ATP10A: variants seen among roughly 807,000 people sequenced by gnomAD.
ATP10A encodes the protein phospholipid-transporting ATPase VA.
In ATP10A, 111 loss-of-function variants were observed where a neutral mutation model predicts 147.8. The observed-to-expected ratio is 0.75, with a 90% CI of 0.64 to 0.88. ATP10A has a LOEUF of 0.88. Among genes scored for constraint, ATP10A ranks in the 40% least tolerant of loss-of-function variants. The pLI is 0.00. For missense variants in ATP10A, 1,927 were observed against 1,959.0 expected (o/e 0.98, Z 0.31); for synonymous variants, 875 against 841.6 (o/e 1.04, Z -0.69).
intron 12 of ATP10A, 59 bp downstream of exon 12, chr15:25,707,917 C>T: frequency 2.5e-6 from 4 of 1,594,602 alleles, no homozygotes; most frequent in Non-Finnish European, 3.4e-6. Flanking sequence ...CTCACCCCTC[C>T]AGGGCCGTCC....
At chr15:25,732,776 T>G (rs4243755) in intron 3 of ATP10A, among the ~76,000 whole-genome samples, 1 of 151,682 alleles carries the variant, frequency 6.6e-6, no homozygotes, top group Non-Finnish European at 1.5e-5. Context: ...AGGATGGTCT[T>G]GATCTCCTGA....
intron 1 of ATP10A, among the ~76,000 whole-genome samples, chr15:25,810,135 C>A (rs1891365417): frequency 6.6e-6 from 1 of 152,300 alleles, no homozygotes. Context: ...CTCCCAGTGA[C>A]CCACAGTGGG....
intron 1 of ATP10A, among the ~76,000 whole-genome samples, chr15:25,787,719 T>TGACACAGACACAGACTG (rs1265935657): frequency 6.6e-6 from 1 of 151,436 alleles, no homozygotes; most frequent in Admixed American, 6.6e-5. Context: ...AGACATGGAG[T>TGACACAGACACAGACTG]AACACAGTTC....
At chr15:25,684,617 C>G (rs1899613735) in intron 16 of ATP10A, among the ~76,000 whole-genome samples, 1 of 152,122 alleles carries the variant, frequency 6.6e-6, no homozygotes, top group South Asian at 2.1e-4. Flanking sequence ...TGGCTGAGGT[C>G]ACGGTGTGAG....
chr15:25,813,521 C>G (rs1174829782), intron 1 of ATP10A, among the ~76,000 whole-genome samples: 1 of 151,944 alleles, frequency 6.6e-6, no homozygotes, highest in African/African-American at 2.4e-5. Context: ...TGCAAAGAAG[C>G]AGAAAAACAC....
chr15:25,781,150 C>T lies in ATP10A; in HGVS notation c.523G>A (p.Glu175Lys). The change falls in exon 2 of 21, where the codon GAA (glutamate) becomes AAA (lysine). Residue 175 changes from glutamate (E) to lysine (K), a missense_variant. Glu to Lys is a moderately conservative substitution (Grantham distance 56, BLOSUM62 1). Coordinates refer to ENST00000555815, the MANE Select transcript of ATP10A (RefSeq NM_024490.4). ...AGCAGAATGTCCGCAGGGAAGATTT[C>T]GTTGCAGCGAAGACGCACAAAGTCT... ...VGDFVRLRCN[E>K]IFPADILLLS... The T allele has an allele frequency of 6.2e-7, 1 of 1,614,188 alleles. No individual in the cohort carries two copies. Among genetic ancestry groups the T allele is most frequent in the Non-Finnish European group, 8.5e-7 (1 of 1,180,044 alleles).
In ATP10A at chr15:25,727,263, T is replaced by C; in HGVS notation, c.744A>G (p.Ile248Met). The change falls in exon 4 of 21, where the codon ATA becomes ATG. Residue 248 changes from isoleucine (I) to methionine (M), a missense_variant. Ile to Met is a conservative substitution (Grantham distance 10). Coordinates refer to ENST00000555815, the MANE Select transcript of ATP10A (RefSeq NM_024490.4). The part of the protein sequence containing the change: ...NDLSRFRGCI[I>M]HDNGKKAGLY... Reference sequence around the variant, plus strand: ...GCCCGGCCTTTTTCCCGTTGTCATGTATGCTGTAGAGGGACAGTTGGCACA... The same window carrying C: ...GCCCGGCCTTTTTCCCGTTGTCATGCATGCTGTAGAGGGACAGTTGGCACA... 1 of 1,613,368 alleles carries C rather than the reference T, an allele frequency of 6.2e-7. No homozygotes were observed. The highest frequency in any genetic ancestry group is 1.1e-5 in the South Asian group (1 of 91,042).
chr15:25,862,320 A>T, intron 1 of ATP10A: 1 of 545,700 alleles, frequency 1.8e-6, no homozygotes. Context: ...CCTGCCTTTC[A>T]CTTCAGGTGG....
intron 1 of ATP10A, among the ~76,000 whole-genome samples, chr15:25,809,304 G>A (rs999868525): frequency 5.3e-5 from 8 of 152,138 alleles, no homozygotes; most frequent in Admixed American, 2.0e-4. Flanking sequence ...GGTGAGACAT[G>A]ACCCAGGCAT....
At position 25,713,962 on chromosome 15, in the gene ATP10A, C is replaced by T. The variant is rs116456040; in HGVS notation, c.2056G>A (p.Glu686Lys). Residue 686 changes from glutamate (E) to lysine (K), a missense_variant, in exon 10 of 21, where the codon GAG (glutamate) becomes AAG (lysine). Transcript: ENST00000555815. ...NWASELAQEQ[E>K]SERELRYEAE... The stretch of plus-strand genomic sequence containing the variant: ...TCGTACCGCAGCTCGCGCTCTGACT[C>T]CTGCTCCTGAGCAAGCTCCGAGGCC... 737 of 1,610,328 alleles carry T rather than the reference C, an allele frequency of 4.6e-4. 2 individuals carry two copies. The African/African-American group carries it at 7.9e-3, about 17-fold the overall frequency.
intron 2 of ATP10A, among the ~76,000 whole-genome samples, chr15:25,747,440 A>G (rs1887907721): frequency 6.6e-6 from 1 of 152,040 alleles, no homozygotes; most frequent in African/African-American, 2.4e-5. Context: ...ACAACTTGTA[A>G]AAAAGAAGAC....
At chr15:25,736,686 T>C (rs530312208) in intron 2 of ATP10A, among the ~76,000 whole-genome samples, 81 of 151,990 alleles carry the variant, frequency 5.3e-4, no homozygotes, top group African/African-American at 1.9e-3. Context: ...CACAAAAATG[T>C]CTTTAGAATT....
At chr15:25,704,803 T>C (rs76080652) in intron 12 of ATP10A, among the ~76,000 whole-genome samples, 6,454 of 152,286 alleles carry the variant, frequency 0.042, 179 homozygotes, top group East Asian at 0.15. Flanking sequence ...GTTTGTGATA[T>C]AATTTATGTG....
chr15:25,782,365 C>A (rs1305985707), intron 1 of ATP10A, among the ~76,000 whole-genome samples: 6 of 152,180 alleles, frequency 3.9e-5, no homozygotes, highest in African/African-American at 1.4e-4. Flanking sequence ...CCGTAAGTAT[C>A]ACTAATGTCA....
Position 25,679,463 on chromosome 15 carries a change from C to G in ATP10A, c.4378G>C (p.Glu1460Gln). Reference sequence around the variant, plus strand: ...CCCGCTTGTCCATCTGCAAGCTGCTCCGTCCGGGAGAACTGTAAGACACTC... The same window carrying G: ...CCCGCTTGTCCATCTGCAAGCTGCTGCGTCCGGGAGAACTGTAAGACACTC... Reference protein sequence around the residue: ...LGSVLQFSRTEQLADGQAGRG... With the variant: ...LGSVLQFSRTQQLADGQAGRG... The change falls in exon 21 of 21, where the codon GAG (glutamate) becomes CAG (glutamine). Residue 1460 changes from glutamate to glutamine, a missense_variant. Coordinates refer to ENST00000555815, the MANE Select transcript of ATP10A (RefSeq NM_024490.4). The G allele has an allele frequency of 6.2e-7, 1 of 1,614,054 alleles. No individual in the cohort carries two copies. Among genetic ancestry groups the G allele is most frequent in the Non-Finnish European group, 8.5e-7 (1 of 1,179,990 alleles).
intron 1 of ATP10A, among the ~76,000 whole-genome samples, chr15:25,831,874 G>A (rs962559228): frequency 2.0e-5 from 3 of 152,302 alleles, no homozygotes; most frequent in South Asian, 2.1e-4. Context: ...GTGCCAGTAC[G>A]TGACTTTGGC....
At chr15:25,799,290 T>A (rs1056079283) in intron 1 of ATP10A, among the ~76,000 whole-genome samples, 9 of 152,086 alleles carry the variant, frequency 5.9e-5, no homozygotes, top group Non-Finnish European at 1.2e-4. Context: ...AAAACCCCCG[T>A]TATGTCCAAA....
rs374444322 is a variant in ATP10A, at chr15:25,687,787, G to A, written c.3207C>T (p.Tyr1069=). 1.2e-6 allele frequency: 2 copies of A among 1,613,766 alleles called. No homozygotes were observed. The highest frequency in any genetic ancestry group is 1.7e-6 in the Non-Finnish European group (2 of 1,179,892). ...ASDFAVPKFR[Y]LERLLILHGH... is the part of the protein sequence containing the mutation. ...CGTGAAGAATCAAGAGCCTCTCCAG[G>A]TATCGGAATTTCGGCACTGCAAAGT... is the stretch of plus-strand genomic sequence containing the variant. Residue 1069 remains tyrosine (Y), a synonymous_variant, in exon 16 of 21, where the codon TAC becomes TAT. Coordinates refer to ENST00000555815, the MANE Select transcript of ATP10A (RefSeq NM_024490.4).
chr15:25,741,806 G>A (rs972417197), intron 2 of ATP10A, among the ~76,000 whole-genome samples: 6 of 152,100 alleles, frequency 3.9e-5, no homozygotes, highest in African/African-American at 9.7e-5. Flanking sequence ...TGTCCACCAC[G>A]TGTCTCCTGA....
Sources: gnomAD v4.1 joint callset for allele counts (sites outside exome capture counted in the v4.1 genomes callset) on GRCh38, gnomAD v4.1.1 for gene constraint, MANE v1.5 for transcripts, NCBI Gene and HGNC (gene_info 2026-07-23, HGNC 2026-07-21) for gene names.